The following POU2F1 variants were observed in gnomAD, a reference collection of about 807,000 sequenced individuals.
POU2F1 encodes the protein POU domain, class 2, transcription factor 1.
In POU2F1, 16 loss-of-function variants were observed where a neutral mutation model predicts 84.9. The ratio of observed to expected loss-of-function variants is 0.19; its 90% CI spans 0.13 to 0.29. POU2F1 has a LOEUF of 0.29. Ranked by LOEUF, POU2F1 falls within the 10% of genes least tolerant of loss-of-function variation. POU2F1 has a pLI of 1.00. For synonymous variants in POU2F1, 368 were observed against 368.3 expected, an observed-to-expected ratio of 1.00 and a Z score of 0.01; for missense variants, 738 against 942.6, an observed-to-expected ratio of 0.78 and a Z score of 2.84.
At chr1:167,236,360 C>G (rs1649456689) in intron 1 of POU2F1, among the ~76,000 whole-genome samples, 1 of 152,114 alleles carries the variant, frequency 6.6e-6, no homozygotes, top group Admixed American at 6.5e-5. Context: ...CTTGGCCTCC[C>G]AAAGTGCTGG....
At chr1:167,320,764 A>G (rs957156876) in intron 1 of POU2F1, among the ~76,000 whole-genome samples, 28 of 152,326 alleles carry the variant, frequency 1.8e-4, no homozygotes, top group Admixed American at 1.4e-3. Context: ...CTCTGGATCT[A>G]TTCTATTTAT....
rs753387639 is a variant in POU2F1, at chr1:167,412,007, C to T, written c.1604C>T (p.Ala535Val). ...SNNTATVIST[A>V]PPASSAVTSP... Reference sequence around the variant, plus strand: ...AACACAGCAACCGTGATTTCCACAGCGCCTCCAGCTTCCTCAGCAGTCACG... The same window carrying T: ...AACACAGCAACCGTGATTTCCACAGTGCCTCCAGCTTCCTCAGCAGTCACG... Residue 535 changes from alanine to valine, a missense_variant, in exon 14 of 16, where the codon GCG becomes GTG. Physicochemically the swap from Ala to Val is moderately conservative, Grantham distance 64. Coordinates refer to ENST00000367866, the MANE Select transcript of POU2F1 (RefSeq NM_002697.4). The T allele has an allele frequency of 1.9e-6, 3 of 1,614,092 alleles. No homozygotes were observed. The highest frequency in any genetic ancestry group is 1.7e-6 in the Non-Finnish European group (2 of 1,179,964).
At position 167,416,952 on chromosome 1, in the gene POU2F1, T is replaced by TGTTC. The variant is rs1367478908; in HGVS notation, c.*1143_*1146dup. 3 of 152,254 alleles carry TGTTC rather than the reference T, an allele frequency of 2.0e-5. No homozygotes were observed. Among genetic ancestry groups the TGTTC allele is most frequent in the Non-Finnish European group, 4.4e-5 (3 of 68,048 alleles). The allele number at this position is 152,254 out of a possible 1,614,324, so 9.4% of individuals were successfully genotyped here. ...CCTGCTGTTGGTGTGTTTGTTTGTTTGTTCCATTTTGTGGAAGTTTTTCAT... is the reference window on the plus strand; with the variant it reads ...CCTGCTGTTGGTGTGTTTGTTTGTTTGTTCGTTCCATTTTGTGGAAGTTTTTCAT... On this transcript the variant is annotated 3_prime_UTR_variant, in exon 16 of 16. Transcript: ENST00000367866.
rs1229245605 is a variant in POU2F1, at chr1:167,411,983, A to G, written c.1580A>G (p.Asn527Ser). 1 of 1,613,332 alleles carries G rather than the reference A, an allele frequency of 6.2e-7. No homozygotes were observed. Among genetic ancestry groups the G allele is most frequent in the Non-Finnish European group, 8.5e-7 (1 of 1,179,550 alleles). The stretch of plus-strand genomic sequence containing the variant: ...GGCACTTCAGACACCACCTCCAACA[A>G]CACAGCAACCGTGATTTCCACAGCG... Reference protein sequence around the residue: ...VTGTSDTTSNNTATVISTAPP... With the variant: ...VTGTSDTTSNSTATVISTAPP... Residue 527 changes from asparagine to serine, a missense_variant, in exon 14 of 16, where the codon AAC (asparagine) becomes AGC (serine). By Grantham distance (46) the Asn-to-Ser change is conservative. Coordinates refer to ENST00000367866, the MANE Select transcript of POU2F1 (RefSeq NM_002697.4).
intron 1 of POU2F1, 103 bp downstream of exon 1, chr1:167,221,061 T>C: frequency 9.5e-7 from 1 of 1,051,642 alleles, no homozygotes; most frequent in Non-Finnish European, 1.4e-6. Flanking sequence ...AGGATTATTA[T>C]AATTAACGGC....
At chr1:167,269,044 C>G (rs1652177624) in intron 1 of POU2F1, among the ~76,000 whole-genome samples, 1 of 152,136 alleles carries the variant, frequency 6.6e-6, no homozygotes, top group South Asian at 2.1e-4. Flanking sequence ...TCTTGCTAAT[C>G]TGCTCCTACT....
chr1:167,358,078 A>G (rs1270952229), intron 2 of POU2F1, among the ~76,000 whole-genome samples: 3 of 149,204 alleles, frequency 2.0e-5, no homozygotes, highest in African/African-American at 2.5e-5. Flanking sequence ...CTGGGATTAC[A>G]GGCATGAGCC....
intron 1 of POU2F1, chr1:167,241,617 C>T (rs992935763): frequency 4.6e-5 from 7 of 152,094 alleles, no homozygotes; most frequent in Admixed American, 3.3e-4. Context: ...ACAGGTTTTC[C>T]AGTTTATTTT....
At position 167,323,695 on chromosome 1, in the gene POU2F1, T is replaced by C. The variant is rs7523859; in HGVS notation, c.62-8775T>C. Among the ~76,000 whole-genome samples the C allele has an allele frequency of 9.1e-3, 1,382 of 152,258 alleles. 11 individuals are homozygous for C. Among genetic ancestry groups the C allele is most frequent in the Non-Finnish European group, 0.013 (878 of 68,014 alleles). ...GTACTAATTTTAATCACACTATTTATTTATTTATTTATTTACAGATGGAGT... is the reference window on the plus strand; with the variant it reads ...GTACTAATTTTAATCACACTATTTACTTATTTATTTATTTACAGATGGAGT... On this transcript the variant is annotated intron_variant, in intron 1 of 15. Coordinates refer to ENST00000367866, the MANE Select transcript of POU2F1 (RefSeq NM_002697.4).
intron 1 of POU2F1, among the ~76,000 whole-genome samples, chr1:167,309,250 ATATG>A (rs892756790): frequency 1.8e-4 from 27 of 152,142 alleles, no homozygotes; most frequent in African/African-American, 6.0e-4. Context: ...AGAATAGAAT[ATATG>A]TATATGTGTG....
chr1:167,370,238 G>T, intron 4 of POU2F1, 24 bp downstream of exon 4: 4 of 1,559,914 alleles, frequency 2.6e-6, no homozygotes, highest in South Asian at 2.4e-5. Context: ...TGGGATTATG[G>T]GTCAATCTTT....
At chr1:167,317,890 C>T (rs1219131505) in intron 1 of POU2F1, among the ~76,000 whole-genome samples, 1 of 152,188 alleles carries the variant, frequency 6.6e-6, no homozygotes, top group Non-Finnish European at 1.5e-5. Context: ...GCAAAGGTGG[C>T]TTTATCACAG....
intron 13 of POU2F1, among the ~76,000 whole-genome samples, chr1:167,409,543 T>C (rs1005885538): frequency 8.5e-5 from 13 of 152,234 alleles, no homozygotes; most frequent in Non-Finnish European, 1.3e-4. Context: ...GATAATTAAT[T>C]TGAAGATAAT....
At chr1:167,259,725 A>G (rs1360111572) in intron 1 of POU2F1, among the ~76,000 whole-genome samples, 2 of 152,112 alleles carry the variant, frequency 1.3e-5, no homozygotes, top group Non-Finnish European at 2.9e-5. Context: ...TATTCTTACT[A>G]CTAGTGTAGT....
chr1:167,312,280 G>A (rs1655550848), intron 1 of POU2F1, among the ~76,000 whole-genome samples: 1 of 150,836 alleles, frequency 6.6e-6, no homozygotes, highest in Non-Finnish European at 1.5e-5. Context: ...TGTCGCCTAG[G>A]CTGGAGTACA....
At chr1:167,381,734 C>G (rs956052938) in intron 7 of POU2F1, among the ~76,000 whole-genome samples, 1 of 150,484 alleles carries the variant, frequency 6.6e-6, no homozygotes, top group Non-Finnish European at 1.5e-5. Flanking sequence ...CCTCGCCTCC[C>G]GAGTAGCTGG....
intron 1 of POU2F1, among the ~76,000 whole-genome samples, chr1:167,265,040 A>G (rs1651844620): frequency 6.6e-6 from 1 of 152,112 alleles, no homozygotes; most frequent in African/African-American, 2.4e-5. Context: ...GTCCTTCCCT[A>G]CTTTATTTTT....
chr1:167,362,828 A>G (rs1460035000), intron 2 of POU2F1, among the ~76,000 whole-genome samples: 1 of 152,044 alleles, frequency 6.6e-6, no homozygotes, highest in Non-Finnish European at 1.5e-5. Flanking sequence ...AAGGCAGAAT[A>G]TTGCCTGTAG....
intron 1 of POU2F1, among the ~76,000 whole-genome samples, chr1:167,276,108 A>T (rs1652710402): frequency 6.6e-6 from 1 of 152,202 alleles, no homozygotes; most frequent in African/African-American, 2.4e-5. Context: ...TTAAACGGAA[A>T]ATCCAAGACA....
Sources: gnomAD v4.1 joint callset for allele counts (sites outside exome capture counted in the v4.1 genomes callset) on GRCh38, gnomAD v4.1.1 for gene constraint, MANE v1.5 for transcripts, NCBI Gene and HGNC (gene_info 2026-07-23, HGNC 2026-07-21) for gene names.